ASIC5: variants seen among roughly 807,000 people sequenced by gnomAD.
ASIC5 encodes the protein bile acid-sensitive ion channel.
ASIC5 carries 52 observed loss-of-function variants against 51.2 expected under a neutral mutation model. The ratio of observed to expected loss-of-function variants is 1.02; its 90% confidence interval spans 0.81 to 1.28. The LOEUF (loss-of-function observed/expected upper bound fraction) is 1.28, where lower values mean the gene tolerates loss of function less well. Ranked by LOEUF, ASIC5 falls within the 50% of genes most tolerant of loss-of-function variation. ASIC5 has a pLI of 0.00. For missense variants in ASIC5, 635 were observed against 595.0 expected (o/e 1.07, Z -0.70); for synonymous variants, 231 against 200.7 (o/e 1.15, Z -1.28).
At chr4:155,836,651 T>C (rs750405012) in intron 8 of ASIC5, 38 bp downstream of exon 8, 1 of 1,322,674 alleles carries the variant, frequency 7.6e-7, no homozygotes, top group Non-Finnish European at 1.0e-6. Flanking sequence ...AAAAAATCTA[T>C]GTTAATTATC....
Position 155,829,782 on chromosome 4 carries a change from T to A in ASIC5, c.*74A>T. The stretch of plus-strand genomic sequence containing the variant: ...TCGAACTCTCAAAACTATAGAAAAG[T>A]GACGTAACAATGAATTAGTCAAGAT... On this transcript the variant is annotated 3_prime_UTR_variant, in exon 10 of 10. Transcript: ENST00000537611. 1 of 927,100 alleles carries A rather than the reference T, an allele frequency of 1.1e-6. No individual in the cohort carries two copies. The highest frequency in any genetic ancestry group is 1.6e-6 in the Non-Finnish European group (1 of 637,498). 57.4% of individuals were successfully genotyped at this position (927,100 alleles called of 1,614,324 possible). A position where few individuals can be genotyped will look rare whatever the true frequency, so the allele number is the denominator to read the frequency against.
chr4:155,852,425 G>A (rs1741404107), intron 3 of ASIC5, 109 bp from the exon 4 acceptor site: 1 of 867,410 alleles, frequency 1.2e-6, no homozygotes, highest in Non-Finnish European at 1.7e-6. Context: ...CAAGACTGCA[G>A]AAATATCAGA....
In ASIC5 at chr4:155,852,209, T is replaced by C. The variant is rs2111254156; in HGVS notation, c.693A>G (p.Leu231=). The part of the protein sequence containing the change: ...KVSVSGRGLS[L]LFNVNQEAFT... ...TCAGTACCTGATTCACATTGAAGAG[T>C]AAGCTCAAACCTCTTCCAGAGACAC... The change falls in exon 4 of 10, where the codon TTA becomes TTG. Residue 231 remains leucine (L), a synonymous_variant. Transcript: ENST00000537611. 6.2e-7 allele frequency: 1 copy of C among 1,611,812 alleles called. No homozygotes were observed. Among genetic ancestry groups the C allele is most frequent in the South Asian group, 1.1e-5 (1 of 90,946 alleles).
chr4:155,847,681 C>T (rs114311751), intron 4 of ASIC5, among the ~76,000 whole-genome samples: 2,058 of 152,110 alleles, frequency 0.014, 20 homozygotes, highest in Non-Finnish European at 0.021. Flanking sequence ...AAGATCATGT[C>T]ACTGCACTCC....
intron 4 of ASIC5, among the ~76,000 whole-genome samples, chr4:155,845,687 G>T (rs936892144): frequency 1.3e-5 from 2 of 151,918 alleles, no homozygotes; most frequent in Non-Finnish European, 2.9e-5. Context: ...AAATAAGATT[G>T]GTCTCCTTAT....
chr4:155,849,206 G>A (rs1027987899), intron 4 of ASIC5, among the ~76,000 whole-genome samples: 3 of 151,962 alleles, frequency 2.0e-5, no homozygotes, highest in Admixed American at 6.6e-5. Context: ...CAGAGTCCCT[G>A]TACAGGGTTT....
intron 7 of ASIC5, among the ~76,000 whole-genome samples, chr4:155,838,348 A>G (rs1741038604): frequency 6.6e-6 from 1 of 152,212 alleles, no homozygotes. Flanking sequence ...CTTGTCCCCA[A>G]TAAATATGGC....
rs866184269 is a variant in ASIC5 at position 155,863,724 on chromosome 4, G to A, written c.71C>T (p.Ser24Leu). Residue 24 changes from serine (S) to leucine (L), a missense_variant, in exon 2 of 10, where the codon TCA becomes TTA. Coordinates refer to ENST00000537611, the MANE Select transcript of ASIC5 (RefSeq NM_017419.3). ...AGTGGGAGATGGCAGTGGTTTCTTT[G>A]AAAGGCAAAGCTTTATCTTTTCTAA... ...GLLEKIKLCL[S>L]KKPLPSPTER... is the part of the protein sequence containing the mutation. 16 of 1,613,396 alleles carry A rather than the reference G, an allele frequency of 9.9e-6. No homozygotes were observed. The Middle Eastern group carries it at 4.9e-4, about 50-fold the overall frequency.
rs762799083 is a variant in ASIC5 at position 155,866,242 on chromosome 4, A to G, written c.-16T>C. 1 of 1,605,964 alleles carries G rather than the reference A, an allele frequency of 6.2e-7. No individual in the cohort carries two copies. The highest frequency in any genetic ancestry group is 8.5e-7 in the Non-Finnish European group (1 of 1,173,632). On this transcript the variant is annotated 5_prime_UTR_variant, in exon 1 of 10. Transcript: ENST00000537611. ...TCTGCTCCATTTGTGATTTCAGTTA[A>G]GCAAGAGTCCTCAGGGTAACCCAAT...
chr4:155,833,062 A>G (rs941241886), intron 8 of ASIC5, among the ~76,000 whole-genome samples: 12 of 152,178 alleles, frequency 7.9e-5, no homozygotes, highest in Admixed American at 4.6e-4. Flanking sequence ...TTTCCATCCC[A>G]GTGGACAGGA....
chr4:155,860,140 C>T (rs952090889), intron 2 of ASIC5, among the ~76,000 whole-genome samples: 1 of 151,822 alleles, frequency 6.6e-6, no homozygotes, highest in African/African-American at 2.4e-5. Flanking sequence ...TAAATGATTT[C>T]TACTGGTGTA....
intron 8 of ASIC5, among the ~76,000 whole-genome samples, chr4:155,834,661 G>T (rs72681531): frequency 9.2e-5 from 14 of 152,178 alleles, no homozygotes; most frequent in Non-Finnish European, 1.8e-4. Context: ...CGGTTCCCTG[G>T]CAAAGGCCCA....
At position 155,850,058 on chromosome 4, in the gene ASIC5, T is replaced by A. The variant is rs1270554217; in HGVS notation, c.711+2133A>T. On this transcript the variant is annotated intron_variant, in intron 4 of 9. Coordinates refer to ENST00000537611, the MANE Select transcript of ASIC5 (RefSeq NM_017419.3). Reference sequence around the variant, plus strand: ...ACCATCCTAACCATGAGAAATCAGATGAAAACTGAGACCAGAGACTCATAT... The same window carrying A: ...ACCATCCTAACCATGAGAAATCAGAAGAAAACTGAGACCAGAGACTCATAT... 2.6e-5 allele frequency among the ~76,000 whole-genome samples: 4 copies of A among 151,938 alleles called. No individual in the cohort carries two copies. The East Asian group carries it at 7.8e-4, about 29-fold the overall frequency.
intron 3 of ASIC5, among the ~76,000 whole-genome samples, chr4:155,853,423 A>T (rs1402370562): frequency 6.6e-6 from 1 of 151,880 alleles, no homozygotes; most frequent in Non-Finnish European, 1.5e-5. Flanking sequence ...TTGCCTGTAT[A>T]GTTCTTTATT....
intron 2 of ASIC5, among the ~76,000 whole-genome samples, chr4:155,860,935 AG>A (rs1004465162): frequency 7.9e-5 from 12 of 151,882 alleles, no homozygotes; most frequent in African/African-American, 2.2e-4. Flanking sequence ...GCATCTCAAA[AG>A]TTTGGTATGT....
At chr4:155,847,885 A>G (rs1180052707) in intron 4 of ASIC5, among the ~76,000 whole-genome samples, 1 of 152,036 alleles carries the variant, frequency 6.6e-6, no homozygotes, top group Non-Finnish European at 1.5e-5. Context: ...TTCTCTATAA[A>G]TTAATCACGA....
chr4:155,863,426 T>C (rs753106263), intron 2 of ASIC5, 22 bp downstream of exon 2: 19 of 1,570,458 alleles, frequency 1.2e-5, no homozygotes, highest in Non-Finnish European at 1.5e-5. Context: ...GAACTAATTA[T>C]TTTTAAAAAA....
chr4:155,836,835 T>C lies in ASIC5; in HGVS notation c.1089A>G (p.Leu363=). The C allele has an allele frequency of 6.3e-7, 1 of 1,597,986 alleles. No homozygotes were observed. ...TAGAGTTATGTGTTCCTACTGTACA[T>C]AAATCCTTAAATTCAATGTGGTCTG... ...PVLDHIEFKD[L]CTVGTHNSSC... is the part of the protein sequence containing the mutation. The change falls in exon 8 of 10, where the codon TTA becomes TTG. Residue 363 remains leucine, a synonymous_variant. Coordinates refer to ENST00000537611, the MANE Select transcript of ASIC5 (RefSeq NM_017419.3).
intron 2 of ASIC5, among the ~76,000 whole-genome samples, chr4:155,856,066 A>G (rs1741530128): frequency 6.6e-6 from 1 of 151,860 alleles, no homozygotes; most frequent in Non-Finnish European, 1.5e-5. Flanking sequence ...CCCTACTATA[A>G]CCTGTATAAC....
Sources: allele counts gnomAD v4.1 joint callset (sites outside exome capture counted in the v4.1 genomes callset), GRCh38; gene constraint gnomAD v4.1.1; transcripts MANE v1.5; gene names NCBI Gene and HGNC (gene_info 2026-07-23, HGNC 2026-07-21).